ADCY2: variants seen among roughly 807,000 people sequenced by gnomAD.
ADCY2 encodes adenylate cyclase type 2.
In ADCY2, 31 loss-of-function variants were observed where a neutral mutation model predicts 125.2. That is an observed-to-expected ratio of 0.25 (90% CI 0.19 to 0.33). The LOEUF (loss-of-function observed/expected upper bound fraction) is 0.33, where lower values mean the gene tolerates loss of function less well. Ranked by LOEUF, ADCY2 falls within the 10% of genes least tolerant of loss-of-function variation. The probability of loss-of-function intolerance (pLI) is 1.00; values close to 1 mark genes in which losing one functional copy is unlikely to be tolerated. For missense variants in ADCY2, 904 were observed against 1,418.2 expected, an observed-to-expected ratio of 0.64 and a Z score of 5.82; for synonymous variants, 512 against 548.4, an observed-to-expected ratio of 0.93 and a Z score of 0.93.
In ADCY2 at chr5:7,617,656, C is replaced by A. The variant is rs186342225; in HGVS notation, c.571-8511C>A. Among the ~76,000 whole-genome samples, 1,109 of 152,222 alleles carry A rather than the reference C, an allele frequency of 7.3e-3. 9 individuals carry two copies. The highest frequency in any genetic ancestry group is 0.025 in the African/African-American group (1,045 of 41,540). ...GGCAAAAATAATACATGTTCTCTGACAAAAATTTACAAGAAGTCAGAGTAT... is the reference window on the plus strand; with the variant it reads ...GGCAAAAATAATACATGTTCTCTGAAAAAAATTTACAAGAAGTCAGAGTAT... On this transcript the variant is annotated intron_variant, in intron 3 of 24. Transcript: ENST00000338316.
At chr5:7,467,944 A>C (rs1402342176) in intron 2 of ADCY2, among the ~76,000 whole-genome samples, 1 of 152,232 alleles carries the variant, frequency 6.6e-6, no homozygotes, top group Non-Finnish European at 1.5e-5. Flanking sequence ...CTTTATGCAA[A>C]TACAATGAAA....
At chr5:7,546,755 C>T (rs1397492194) in intron 3 of ADCY2, among the ~76,000 whole-genome samples, 1 of 152,202 alleles carries the variant, frequency 6.6e-6, no homozygotes, top group Non-Finnish European at 1.5e-5. Context: ...GCTGTGCCTT[C>T]TCCAGCTCGC....
At chr5:7,504,864 A>C (rs1165871630) in intron 2 of ADCY2, among the ~76,000 whole-genome samples, 1 of 151,392 alleles carries the variant, frequency 6.6e-6, no homozygotes. Flanking sequence ...CTGCATTCAG[A>C]GGAAGAGAGG....
rs553420897 is a variant in ADCY2, at chr5:7,817,933, G to A, written c.2998+953G>A. 3.4e-5 allele frequency among the ~76,000 whole-genome samples: 5 copies of A among 148,416 alleles called. No individual in the cohort carries two copies. In the South Asian group the frequency reaches 8.6e-4, roughly 26 times the overall value. ...ACTTTAAGTTGATTTTTTTTAGCATGTTTCATGACTTGCCTTTTACAAATT... is the reference window on the plus strand; with the variant it reads ...ACTTTAAGTTGATTTTTTTTAGCATATTTCATGACTTGCCTTTTACAAATT... On this transcript the variant is annotated intron_variant, in intron 23 of 24. Coordinates refer to ENST00000338316, the MANE Select transcript of ADCY2 (RefSeq NM_020546.3).
At chr5:7,593,524 G>A (rs555358041) in intron 3 of ADCY2, among the ~76,000 whole-genome samples, 1 of 151,912 alleles carries the variant, frequency 6.6e-6, no homozygotes, top group Non-Finnish European at 1.5e-5. Context: ...TACCAACAGG[G>A]ATGGAGCGTA....
At chr5:7,499,146 T>C (rs1286085173) in intron 2 of ADCY2, among the ~76,000 whole-genome samples, 3 of 152,144 alleles carry the variant, frequency 2.0e-5, no homozygotes, top group Non-Finnish European at 4.4e-5. Flanking sequence ...TAGATGGGAC[T>C]ACAGGCATGC....
intron 4 of ADCY2, among the ~76,000 whole-genome samples, chr5:7,635,126 C>G (rs73050164): frequency 6.6e-6 from 1 of 152,108 alleles, no homozygotes; most frequent in East Asian, 1.9e-4. Flanking sequence ...CCAGACTACA[C>G]GCTGGGCCTT....
At chr5:7,535,343 T>C (rs2126552132) in intron 3 of ADCY2, among the ~76,000 whole-genome samples, 1 of 152,326 alleles carries the variant, frequency 6.6e-6, no homozygotes, top group South Asian at 2.1e-4. Context: ...TTGCAGTGAG[T>C]ACACATAGTA....
Position 7,411,643 on chromosome 5 carries a change from C to T in ADCY2, c.211-2930C>T, listed in dbSNP as rs940341912. On this transcript the variant is annotated intron_variant, in intron 1 of 24. Transcript: ENST00000338316. ...CCTGCAGCCCTGACAAATCACATCT[C>T]GGGGATCTGATTTTTAAAAAAGAGA... Among the ~76,000 whole-genome samples the T allele has an allele frequency of 7.2e-5, 11 of 152,082 alleles. No individual in the cohort carries two copies. The South Asian group carries it at 1.0e-3, about 14-fold the overall frequency.
At chr5:7,702,689 C>T (rs1445583711) in intron 7 of ADCY2, among the ~76,000 whole-genome samples, 2 of 152,174 alleles carry the variant, frequency 1.3e-5, no homozygotes, top group African/African-American at 2.4e-5. Context: ...AGTAAACATA[C>T]GTGTGCATGC....
intron 3 of ADCY2, among the ~76,000 whole-genome samples, chr5:7,596,467 A>G (rs1320803002): frequency 2.6e-5 from 4 of 152,246 alleles, no homozygotes; most frequent in African/African-American, 9.6e-5. Flanking sequence ...AATGTGAACA[A>G]TAACGAAATA....
intron 3 of ADCY2, among the ~76,000 whole-genome samples, chr5:7,603,657 C>G (rs981261993): frequency 6.6e-6 from 1 of 152,014 alleles, no homozygotes; most frequent in Non-Finnish European, 1.5e-5. Flanking sequence ...AGGAGCATAC[C>G]CACAGATGTT....
At position 7,804,666 on chromosome 5, in the gene ADCY2, G is replaced by C; in HGVS notation, c.2857G>C (p.Ala953Pro). The change falls in exon 22 of 25, where the codon GCT becomes CCT. Residue 953 changes from alanine (A) to proline (P), a missense_variant. By Grantham distance (27) the Ala-to-Pro change is conservative (BLOSUM62 -1). This residue lies in a region of ADCY2 where 181 missense variants were observed against 381.6 expected (regional missense o/e 0.47). Transcript: ENST00000338316. Reference protein sequence around the residue: ...STYMAATGLSAVPSQEHSQEP... With the variant: ...STYMAATGLSPVPSQEHSQEP... Reference sequence around the variant, plus strand: ...ATACATGGCAGCAACAGGTCTGAGCGCTGTGCCCAGCCAGGAGCACTCCCA... The same window carrying C: ...ATACATGGCAGCAACAGGTCTGAGCCCTGTGCCCAGCCAGGAGCACTCCCA... 6.2e-7 allele frequency: 1 copy of C among 1,614,126 alleles called. No individual in the cohort carries two copies. The highest frequency in any genetic ancestry group is 8.5e-7 in the Non-Finnish European group (1 of 1,179,984).
chr5:7,507,212 C>T (rs796889662), intron 2 of ADCY2, among the ~76,000 whole-genome samples: 16 of 147,780 alleles, frequency 1.1e-4, no homozygotes, highest in African/African-American at 3.5e-4. Context: ...GAGGCCGAGG[C>T]GGGCGGATCA....
At chr5:7,618,994 A>G (rs1337517623) in intron 3 of ADCY2, among the ~76,000 whole-genome samples, 1 of 152,218 alleles carries the variant, frequency 6.6e-6, no homozygotes, top group African/African-American at 2.4e-5. Flanking sequence ...AGAGACCAGC[A>G]TTTTTAGTAA....
At position 7,826,571 on chromosome 5, in the gene ADCY2, G is replaced by A. The variant is rs552226149; in HGVS notation, c.3124-148G>A. 5.5e-4 allele frequency: 558 copies of A among 1,017,886 alleles called. 11 individuals are homozygous for A. In the South Asian group the frequency reaches 6.9e-3, roughly 13 times the overall value. The allele number at this position is 1,017,886 out of a possible 1,614,324, so 63.1% of individuals were successfully genotyped here. On this transcript the variant is annotated intron_variant, in intron 24 of 24. Coordinates refer to ENST00000338316, the MANE Select transcript of ADCY2 (RefSeq NM_020546.3). The stretch of plus-strand genomic sequence containing the variant: ...TCCTTTACAACCTTTTTTTCTTGTG[G>A]ATTACTCTCACTTTTCTACTAACTT...
chr5:7,513,698 GCAA>G (rs1477200512), intron 2 of ADCY2, among the ~76,000 whole-genome samples: 2 of 152,144 alleles, frequency 1.3e-5, no homozygotes, highest in African/African-American at 2.4e-5. Flanking sequence ...GTTGTATTCT[GCAA>G]CAACAATGAG....
At chr5:7,592,424 A>G (rs567194107) in intron 3 of ADCY2, among the ~76,000 whole-genome samples, 181 of 152,324 alleles carry the variant, frequency 1.2e-3, no homozygotes, top group African/African-American at 4.2e-3. Context: ...ATAGGCAAAT[A>G]AAATATAATT....
chr5:7,448,883 G>A (rs1001765556), intron 2 of ADCY2, among the ~76,000 whole-genome samples: 1 of 152,104 alleles, frequency 6.6e-6, no homozygotes, highest in Non-Finnish European at 1.5e-5. Context: ...ATCATTGATG[G>A]GCATTTTGAT....
Sources: allele counts gnomAD v4.1 joint callset (sites outside exome capture counted in the v4.1 genomes callset), GRCh38; gene constraint gnomAD v4.1.1; regional missense constraint gnomAD v4.1.1; transcripts MANE v1.5; gene names NCBI Gene and HGNC (gene_info 2026-07-23, HGNC 2026-07-21).